CLNK: variants seen among roughly 807,000 people sequenced by gnomAD.
The protein encoded by CLNK is cytokine dependent hematopoietic cell linker, also known as cytokine-dependent hematopoietic cell linker.
Under a neutral mutation model 68.6 loss-of-function variants are expected in CLNK, and 74 were observed. The observed-to-expected ratio is 1.08, with a 90% CI of 0.89 to 1.31. The LOEUF is 1.31. Among genes scored for constraint, CLNK ranks in the 50% most tolerant of loss-of-function variants. The pLI is 0.00. For missense variants in CLNK, 553 were observed against 515.3 expected (o/e 1.07, Z -0.71); for synonymous variants, 198 against 172.2 (o/e 1.15, Z -1.17).
At chr4:10,510,829 A>G (rs1484264164) in intron 16 of CLNK, among the ~76,000 whole-genome samples, 4 of 152,212 alleles carry the variant, frequency 2.6e-5, no homozygotes, top group South Asian at 2.1e-4. Flanking sequence ...AAATTTACCT[A>G]TAACCTGGAA....
intron 4 of CLNK, among the ~76,000 whole-genome samples, chr4:10,573,691 A>G (rs1167451318): frequency 6.6e-6 from 1 of 152,178 alleles, no homozygotes; most frequent in South Asian, 2.1e-4. Context: ...ATTTCATTTT[A>G]GAAAATTGGC....
chr4:10,615,719 A>T (rs991307597), intron 2 of CLNK, among the ~76,000 whole-genome samples: 2 of 152,192 alleles, frequency 1.3e-5, no homozygotes, highest in East Asian at 3.9e-4. Context: ...CTGTCTTTAC[A>T]GTGGTGCTAT....
intron 2 of CLNK, among the ~76,000 whole-genome samples, chr4:10,625,705 T>C (rs528157045): frequency 1.3e-5 from 2 of 151,056 alleles, no homozygotes; most frequent in East Asian, 1.9e-4. Flanking sequence ...CAGGCAGAGA[T>C]AGAGAGAGGC....
In CLNK at chr4:10,606,430, CT is replaced by C. The variant is rs1000727310; in HGVS notation, c.12-8382del. 7.1e-3 allele frequency among the ~76,000 whole-genome samples: 1,027 copies of C among 145,458 alleles called. 2 individuals carry two copies. The highest frequency in any genetic ancestry group is 9.4e-3 in the African/African-American group (377 of 39,948). On this transcript the variant is annotated intron_variant, in intron 2 of 18. Coordinates refer to ENST00000226951, the MANE Select transcript of CLNK (RefSeq NM_052964.4). ...CTGCCTGAGGTTGTTTTACAGTTAA[CT>C]TTTTTTTTTTTAATATAAGTAAAAG...
intron 17 of CLNK, among the ~76,000 whole-genome samples, chr4:10,502,731 A>G (rs1312961673): frequency 6.6e-6 from 1 of 152,028 alleles, no homozygotes; most frequent in African/African-American, 2.4e-5. Flanking sequence ...TAAGTCATGG[A>G]TATCAAACTG....
At chr4:10,669,223 C>T (rs1253954177) in intron 1 of CLNK, among the ~76,000 whole-genome samples, 1 of 152,180 alleles carries the variant, frequency 6.6e-6, no homozygotes, top group Admixed American at 6.5e-5. Context: ...ACAGTCCCTG[C>T]CCTTAAGCCA....
intron 2 of CLNK, among the ~76,000 whole-genome samples, chr4:10,649,803 G>C (rs1384269082): frequency 1.3e-5 from 2 of 152,036 alleles, no homozygotes; most frequent in Non-Finnish European, 2.9e-5. Context: ...AATTTTCTCT[G>C]GGGGAGCACA....
intron 11 of CLNK, among the ~76,000 whole-genome samples, chr4:10,535,997 C>G (rs1237147569): frequency 6.6e-6 from 1 of 152,178 alleles, no homozygotes; most frequent in East Asian, 1.9e-4. Context: ...GTGACGTTTT[C>G]CTTTACTGAA....
chr4:10,513,683 G>T (rs1717706255), intron 15 of CLNK, 86 bp from the exon 16 acceptor site: 3 of 1,355,786 alleles, frequency 2.2e-6, no homozygotes, highest in Non-Finnish European at 3.0e-6. Flanking sequence ...GAAACCCTTT[G>T]CTCCTTCCTA....
At chr4:10,706,390 C>T in the CLNK span, among the ~76,000 whole-genome samples, 1 of 152,204 alleles carries the variant, frequency 6.6e-6, no homozygotes, top group African/African-American at 2.4e-5. Flanking sequence ...ACTCACTCCA[C>T]ACAGAAGTAC....
chr4:10,713,709 T>C, the CLNK span, among the ~76,000 whole-genome samples: 1 of 152,124 alleles, frequency 6.6e-6, no homozygotes, highest in Non-Finnish European at 1.5e-5. Flanking sequence ...AATGAGTTCT[T>C]ACATTCTTAG....
At chr4:10,536,287 C>T (rs1426940466) in intron 11 of CLNK, among the ~76,000 whole-genome samples, 1 of 152,212 alleles carries the variant, frequency 6.6e-6, no homozygotes, top group Admixed American at 6.5e-5. Context: ...CAGGCACTCT[C>T]CTGCATGGTT....
intron 18 of CLNK, among the ~76,000 whole-genome samples, chr4:10,495,020 G>A (rs1424013358): frequency 6.6e-6 from 1 of 151,920 alleles, no homozygotes; most frequent in Non-Finnish European, 1.5e-5. Flanking sequence ...GTGAAAGAAG[G>A]AAAGGGGGAG....
At chr4:10,681,577 G>A (rs139806356) in intron 1 of CLNK, among the ~76,000 whole-genome samples, 2 of 152,326 alleles carry the variant, frequency 1.3e-5, no homozygotes, top group East Asian at 3.9e-4. Flanking sequence ...TGATTCTCAT[G>A]CATAAGTGTT....
chr4:10,540,660 C>T, intron 10 of CLNK, 56 bp from the exon 11 acceptor site: 1 of 1,242,192 alleles, frequency 8.1e-7, no homozygotes, highest in Non-Finnish European at 1.2e-6. Context: ...AGTGATGCCT[C>T]AGGCCCTGAA....
At chr4:10,688,239 C>A (rs775605963), upstream of CLNK, among the ~76,000 whole-genome samples, 14 of 152,030 alleles carry the variant, frequency 9.2e-5, no homozygotes, top group Non-Finnish European at 1.5e-5. Flanking sequence ...AGCGGATGTG[C>A]GGTGTGTGTA....
At chr4:10,648,715 G>T (rs1490750971) in intron 2 of CLNK, among the ~76,000 whole-genome samples, 1 of 152,138 alleles carries the variant, frequency 6.6e-6, no homozygotes, top group Non-Finnish European at 1.5e-5. Context: ...CTGGCTTTCT[G>T]GTTCTGAGTC....
At chr4:10,665,250 G>C (rs1481624528) in intron 2 of CLNK, among the ~76,000 whole-genome samples, 1 of 152,224 alleles carries the variant, frequency 6.6e-6, no homozygotes, top group African/African-American at 2.4e-5. Context: ...GGAAAGCTTG[G>C]TGAGAAGCCA....
chr4:10,679,449 G>A (rs1040079289), intron 1 of CLNK, among the ~76,000 whole-genome samples: 4 of 152,164 alleles, frequency 2.6e-5, no homozygotes, highest in Non-Finnish European at 4.4e-5. Flanking sequence ...TCAGGACATA[G>A]GCATGGGCAA....
Sources: allele counts gnomAD v4.1 joint callset (sites outside exome capture counted in the v4.1 genomes callset), GRCh38; gene constraint gnomAD v4.1.1; transcripts MANE v1.5; gene names NCBI Gene and HGNC (gene_info 2026-07-23, HGNC 2026-07-21).